LRFN5: variants seen among roughly 807,000 people sequenced by gnomAD.
LRFN5 encodes the protein leucine rich repeat and fibronectin type III domain containing 5, also known as leucine-rich repeat and fibronectin type-III domain-containing protein 5.
A neutral mutation model predicts 45.6 loss-of-function variants in LRFN5; 24 were observed. That is an observed-to-expected ratio of 0.53 (90% CI 0.38 to 0.74). LRFN5 has a LOEUF of 0.74. LRFN5 is among the 30% of genes least tolerant of loss of function. The pLI, the probability that LRFN5 is intolerant of heterozygous loss-of-function variation, is 0.00. For synonymous variants in LRFN5, 340 were observed against 313.8 expected (o/e 1.08, Z -0.88); for missense variants, 776 against 861.5 (o/e 0.90, Z 1.24).
chr14:41,775,359 T>G (rs1474326868), intron 2 of LRFN5, among the ~76,000 whole-genome samples: 1 of 152,022 alleles, frequency 6.6e-6, no homozygotes, highest in Non-Finnish European at 1.5e-5. Flanking sequence ...AAAGTGCTTG[T>G]ATTACAGGCA....
chr14:41,819,577 GCAT>G (rs1888040401), intron 2 of LRFN5, among the ~76,000 whole-genome samples: 1 of 152,076 alleles, frequency 6.6e-6, no homozygotes, highest in Non-Finnish European at 1.5e-5. Flanking sequence ...AGGAAGCATG[GCAT>G]CATCTTCTGG....
chr14:41,668,608 T>G (rs1016025494), intron 1 of LRFN5, among the ~76,000 whole-genome samples: 5 of 152,200 alleles, frequency 3.3e-5, no homozygotes, highest in Non-Finnish European at 7.4e-5. Context: ...TAACCATGAC[T>G]CCATAAAACT....
Position 41,844,265 on chromosome 14 carries a change from G to A in LRFN5, c.-20-42341G>A, listed in dbSNP as rs951730418. ...ATCCTGGCTAACATGGTGAAACCCC[G>A]TCTCTACTAAAAATACAAAAAATTA... On this transcript the variant is annotated intron_variant, in intron 2 of 5. Transcript: ENST00000298119. Among the ~76,000 whole-genome samples, 38 of 151,566 alleles carry A rather than the reference G, an allele frequency of 2.5e-4. No individual in the cohort carries two copies. In the South Asian group the frequency reaches 3.1e-3, roughly 13 times the overall value.
rs141996950 is a variant in LRFN5, at chr14:41,741,318, G to A, written c.-196-25536G>A. Reference sequence around the variant, plus strand: ...TTTCAAAATAGATTATAAAGCAATTGTAGTCAAAACAGCATGATACTGGCA... The same window carrying A: ...TTTCAAAATAGATTATAAAGCAATTATAGTCAAAACAGCATGATACTGGCA... On this transcript the variant is annotated intron_variant, in intron 1 of 5. Coordinates refer to ENST00000298119, the MANE Select transcript of LRFN5 (RefSeq NM_152447.5). Among the ~76,000 whole-genome samples, 720 of 151,822 alleles carry A rather than the reference G, an allele frequency of 4.7e-3. 5 individuals are homozygous for A. The highest frequency in any genetic ancestry group is 8.0e-3 in the Non-Finnish European group (541 of 67,936).
intron 2 of LRFN5, among the ~76,000 whole-genome samples, chr14:41,846,501 T>C (rs543176790): frequency 6.6e-6 from 1 of 152,260 alleles, no homozygotes; most frequent in Non-Finnish European, 1.5e-5. Context: ...AAAAATACTG[T>C]ATGATTCCAT....
intron 2 of LRFN5, among the ~76,000 whole-genome samples, chr14:41,834,255 A>C (rs1158438234): frequency 3.9e-5 from 6 of 152,160 alleles, no homozygotes; most frequent in Non-Finnish European, 2.9e-5. Flanking sequence ...GAAAATCTTA[A>C]ATATCTTTTG....
At chr14:41,853,853 A>G (rs946370920) in intron 2 of LRFN5, among the ~76,000 whole-genome samples, 4 of 152,218 alleles carry the variant, frequency 2.6e-5, no homozygotes, top group Non-Finnish European at 2.9e-5. Context: ...ATGACTGAGG[A>G]TAGTGTTGGT....
intron 2 of LRFN5, among the ~76,000 whole-genome samples, chr14:41,848,705 G>C (rs1286720800): frequency 2.0e-5 from 3 of 151,998 alleles, no homozygotes; most frequent in African/African-American, 7.2e-5. Context: ...CTGTAAGTGA[G>C]CATTTCATAG....
Position 41,842,024 on chromosome 14 carries a change from C to G in LRFN5, c.-20-44582C>G, listed in dbSNP as rs534775264. 6.6e-5 allele frequency among the ~76,000 whole-genome samples: 10 copies of G among 151,956 alleles called. No homozygotes were observed. The South Asian group carries it at 2.1e-3, about 32-fold the overall frequency. ...TGCTGTGTAAATATGTGCTATAGTA[C>G]ATATTCCCCCCAGCTTTCCATTCAG... On this transcript the variant is annotated intron_variant, in intron 2 of 5. Coordinates refer to ENST00000298119, the MANE Select transcript of LRFN5 (RefSeq NM_152447.5).
intron 1 of LRFN5, among the ~76,000 whole-genome samples, chr14:41,675,690 A>AGG (rs1881600485): frequency 6.6e-6 from 1 of 152,114 alleles, no homozygotes; most frequent in Non-Finnish European, 1.5e-5. Flanking sequence ...TAAATGAATA[A>AGG]GCCTTTATTT....
Position 41,887,720 on chromosome 14 carries a change from A to T in LRFN5, c.1095A>T (p.Glu365Asp). 1 of 1,614,108 alleles carries T rather than the reference A, an allele frequency of 6.2e-7. No individual in the cohort carries two copies. Among genetic ancestry groups the T allele is most frequent in the Non-Finnish European group, 8.5e-7 (1 of 1,180,034 alleles). The change falls in exon 3 of 6, where the codon GAA becomes GAT. Residue 365 changes from glutamate (E) to aspartate (D), a missense_variant. This residue lies in a region of LRFN5 where 465 missense variants were observed against 456.4 expected (regional missense o/e 1.02). Transcript: ENST00000298119. This position sits in a 1 kb window ranked among gnomAD's most constrained non-coding sequence, Gnocchi z 4.8. ...GCATTGCTTCCAATCCTGCTGGGGA[A>T]GCAACACAAATAGTGGATCTTCATA... ...FTCIASNPAG[E>D]ATQIVDLHII...
chr14:41,616,794 C>A (rs150176550), intron 1 of LRFN5, among the ~76,000 whole-genome samples: 1 of 151,972 alleles, frequency 6.6e-6, no homozygotes, highest in African/African-American at 2.4e-5. Flanking sequence ...ATCAACACAC[C>A]ACATCTAGGT....
chr14:41,624,221 A>G (rs938789278), intron 1 of LRFN5, among the ~76,000 whole-genome samples: 1 of 152,080 alleles, frequency 6.6e-6, no homozygotes, highest in Non-Finnish European at 1.5e-5. Context: ...TTTTAAGTAT[A>G]GTCCAAAACA....
intron 1 of LRFN5, among the ~76,000 whole-genome samples, chr14:41,634,396 G>T (rs1047419368): frequency 6.6e-6 from 1 of 152,156 alleles, no homozygotes; most frequent in Non-Finnish European, 1.5e-5. Flanking sequence ...GTCTAATGCA[G>T]TTTCTCCCCG....
intron 1 of LRFN5, among the ~76,000 whole-genome samples, chr14:41,643,449 C>T (rs1879672187): frequency 6.6e-6 from 1 of 151,800 alleles, no homozygotes; most frequent in South Asian, 2.1e-4. Flanking sequence ...GAAATAAATC[C>T]CCTTTCCCCC....
At chr14:41,694,693 C>T (rs978437414) in intron 1 of LRFN5, among the ~76,000 whole-genome samples, 8 of 151,854 alleles carry the variant, frequency 5.3e-5, no homozygotes, top group African/African-American at 1.9e-4. Flanking sequence ...TATGTGTTCA[C>T]TTCATGTCTC....
chr14:41,726,109 T>C (rs1883920309), intron 1 of LRFN5, among the ~76,000 whole-genome samples: 6 of 152,180 alleles, frequency 3.9e-5, no homozygotes, highest in Admixed American at 3.9e-4. Flanking sequence ...AAGGGGATCA[T>C]GTTACTTAAG....
chr14:41,817,234 C>T (rs550122887), intron 2 of LRFN5, among the ~76,000 whole-genome samples: 9 of 152,184 alleles, frequency 5.9e-5, no homozygotes, highest in African/African-American at 2.2e-4. Context: ...GTTTTAATTT[C>T]CCAGCCTGAG....
chr14:41,779,347 T>G (rs977402424), intron 2 of LRFN5, among the ~76,000 whole-genome samples: 1 of 151,902 alleles, frequency 6.6e-6, no homozygotes, highest in African/African-American at 2.4e-5. Context: ...TGGTGTATAA[T>G]TTTTCATCCA....
Sources: gnomAD v4.1 joint callset for allele counts (sites outside exome capture counted in the v4.1 genomes callset) on GRCh38, gnomAD v4.1.1 for gene constraint, gnomAD v4.1.1 regional missense constraint, Gnocchi (gnomAD v3.1) non-coding constraint, MANE v1.5 for transcripts, NCBI Gene and HGNC (gene_info 2026-07-23, HGNC 2026-07-21) for gene names.